Variants in SETBP1 observed in about 807,000 individuals in gnomAD.
SETBP1 encodes the protein SET-binding protein.
In SETBP1, 9 loss-of-function variants were observed where a neutral mutation model predicts 101.0. The observed-to-expected ratio is 0.09, with a 90% CI of 0.05 to 0.16. SETBP1 has a LOEUF of 0.16. Ranked by LOEUF, SETBP1 falls within the 10% of genes least tolerant of loss-of-function variation. SETBP1 has a pLI of 1.00. For synonymous variants in SETBP1, 818 were observed against 788.5 expected (o/e 1.04, Z -0.63); for missense variants, 1,858 against 2,033.8 (o/e 0.91, Z 1.66).
In SETBP1 at chr18:44,950,772, G is replaced by T. The variant is rs750647001; in HGVS notation, c.1432G>T (p.Val478Phe). The T allele has an allele frequency of 1.9e-6, 3 of 1,614,018 alleles. No individual in the cohort carries two copies. The African/African-American group carries it at 4.0e-5, about 22-fold the overall frequency. Reference sequence around the variant, plus strand: ...AATGATAGAGAATGAGTCCCCCTCAGTTGGCCTTGAAACTGGTGGAAATGC... The same window carrying T: ...AATGATAGAGAATGAGTCCCCCTCATTTGGCCTTGAAACTGGTGGAAATGC... ...SKMIENESPSVGLETGGNAEK... is the reference protein window; with the variant it reads ...SKMIENESPSFGLETGGNAEK... The change falls in exon 4 of 6, where the codon GTT becomes TTT. Residue 478 changes from valine (V) to phenylalanine (F), a missense_variant. Val to Phe is a conservative substitution (Grantham distance 50, BLOSUM62 -1). Transcript: ENST00000649279.
rs2071398938 is a variant in SETBP1, at chr18:44,953,004, T to G, written c.3664T>G (p.Ser1222Ala). ...GCACAGCGAAGCCGGCCACAAAGCTTCTAAGAACAACTTTGAGGTGGACAC... is the reference window on the plus strand; with the variant it reads ...GCACAGCGAAGCCGGCCACAAAGCTGCTAAGAACAACTTTGAGGTGGACAC... ...HQHSEAGHKASKNNFEVDTLS... is the reference protein window; with the variant it reads ...HQHSEAGHKAAKNNFEVDTLS... Residue 1222 changes from serine to alanine, a missense_variant, in exon 4 of 6, where the codon TCT (serine) becomes GCT (alanine). This residue lies in a region of SETBP1 where 417 missense variants were observed against 389.1 expected (regional missense o/e 1.07). Coordinates refer to ENST00000649279, the MANE Select transcript of SETBP1 (RefSeq NM_015559.3). The G allele has an allele frequency of 1.9e-6, 3 of 1,613,930 alleles. No homozygotes were observed. The South Asian group carries it at 3.3e-5, about 18-fold the overall frequency.
chr18:44,925,103 AT>A (rs759704941), intron 3 of SETBP1, among the ~76,000 whole-genome samples: 615 of 85,952 alleles, frequency 7.2e-3, no homozygotes, highest in Admixed American at 7.1e-3. Context: ...TTCTGCCTGG[AT>A]TTTTTTTTTT....
intron 3 of SETBP1, among the ~76,000 whole-genome samples, chr18:44,907,254 G>C (rs2070196495): frequency 6.6e-6 from 1 of 152,114 alleles, no homozygotes; most frequent in Non-Finnish European, 1.5e-5. Flanking sequence ...CCATTCAATA[G>C]CTGATAGACA....
chr18:44,872,484 CT>C (rs2069299549), intron 3 of SETBP1, among the ~76,000 whole-genome samples: 2 of 152,142 alleles, frequency 1.3e-5, no homozygotes, highest in Admixed American at 1.3e-4. Context: ...AATCCAGCAG[CT>C]AGCCATGCTT....
At chr18:45,034,886 C>G (rs2073365483) in intron 4 of SETBP1, among the ~76,000 whole-genome samples, 1 of 152,152 alleles carries the variant, frequency 6.6e-6, no homozygotes, top group Non-Finnish European at 1.5e-5. Flanking sequence ...TCTCAATGGT[C>G]CAGTCCGTAC....
intron 3 of SETBP1, among the ~76,000 whole-genome samples, chr18:44,873,634 C>T (rs554315593): frequency 2.6e-5 from 4 of 152,192 alleles, no homozygotes; most frequent in South Asian, 2.1e-4. Context: ...TGCTTAGGTA[C>T]ATCTGGAGGC....
intron 3 of SETBP1, among the ~76,000 whole-genome samples, chr18:44,886,810 C>CTGT (rs2069660485): frequency 6.7e-6 from 1 of 150,118 alleles, no homozygotes; most frequent in Admixed American, 6.7e-5. Flanking sequence ...AGGAAGCCAA[C>CTGT]TGTTTCATTT....
chr18:44,919,754 A>G (rs2070534973), intron 3 of SETBP1, among the ~76,000 whole-genome samples: 1 of 151,322 alleles, frequency 6.6e-6, no homozygotes, highest in South Asian at 2.1e-4. Context: ...ATGTATACAT[A>G]TGTGTATTGT....
intron 2 of SETBP1, among the ~76,000 whole-genome samples, chr18:44,713,323 G>C (rs2144284052): frequency 6.6e-6 from 1 of 152,132 alleles, no homozygotes; most frequent in South Asian, 2.1e-4. Context: ...TTTGACTGCT[G>C]CTCAAAGGCC....
rs372096992 is a variant in SETBP1, at chr18:44,950,460, G to A, written c.1120G>A (p.Ala374Thr). ...NTEGKREGYS[A>T]DSAQEASPAR... is the part of the protein sequence containing the mutation. The stretch of plus-strand genomic sequence containing the variant: ...AGAAGGGAAAAGGGAAGGTTATTCC[G>A]CAGATAGTGCCCAAGAGGCATCACC... The change falls in exon 4 of 6, where the codon GCA becomes ACA. Residue 374 changes from alanine (A) to threonine (T), a missense_variant. Physicochemically the swap from Ala to Thr is moderately conservative, Grantham distance 58 (BLOSUM62 0). This residue lies in a region of SETBP1 where 581 missense variants were observed against 535.1 expected (regional missense o/e 1.09). Transcript: ENST00000649279. The A allele has an allele frequency of 2.7e-5, 44 of 1,614,004 alleles. No individual in the cohort carries two copies. Among genetic ancestry groups the A allele is most frequent in the Middle Eastern group, 1.6e-4 (1 of 6,084 alleles).
chr18:44,809,941 A>G (rs1400471177), intron 2 of SETBP1, among the ~76,000 whole-genome samples: 2 of 152,224 alleles, frequency 1.3e-5, no homozygotes, highest in African/African-American at 2.4e-5. Context: ...TGAGACCACC[A>G]CGTTCTCCAG....
intron 2 of SETBP1, among the ~76,000 whole-genome samples, chr18:44,777,949 T>C (rs2071039161): frequency 6.6e-6 from 1 of 152,188 alleles, no homozygotes; most frequent in African/African-American, 2.4e-5. Context: ...AACCCGACTG[T>C]TCTATTTACA....
chr18:44,987,367 G>C (rs2072263968), intron 4 of SETBP1: 1 of 152,222 alleles, frequency 6.6e-6, no homozygotes. Context: ...CATGAAGTCA[G>C]TGGTACGCAA....
intron 4 of SETBP1, among the ~76,000 whole-genome samples, chr18:44,993,382 T>C (rs2072421878): frequency 6.6e-6 from 1 of 152,048 alleles, no homozygotes; most frequent in African/African-American, 2.4e-5. Flanking sequence ...TATTTTCTTA[T>C]GATATGACTA....
At chr18:45,012,905 A>G (rs1422600068) in intron 4 of SETBP1, among the ~76,000 whole-genome samples, 1 of 152,216 alleles carries the variant, frequency 6.6e-6, no homozygotes, top group African/African-American at 2.4e-5. Context: ...AATTACCACT[A>G]AAAGCCCAGA....
At chr18:44,918,084 G>C (rs935027182) in intron 3 of SETBP1, among the ~76,000 whole-genome samples, 1 of 152,118 alleles carries the variant, frequency 6.6e-6, no homozygotes, top group Non-Finnish European at 1.5e-5. Context: ...AATCCTTCCC[G>C]GTGCTGCCGA....
At chr18:44,797,146 A>G (rs546606449) in intron 2 of SETBP1, among the ~76,000 whole-genome samples, 1 of 152,350 alleles carries the variant, frequency 6.6e-6, no homozygotes, top group African/African-American at 2.4e-5. Flanking sequence ...TTGTGGCCTC[A>G]ATGTAAAGAG....
intron 2 of SETBP1, among the ~76,000 whole-genome samples, chr18:44,853,559 T>G (rs1436499949): frequency 6.6e-6 from 1 of 152,238 alleles, no homozygotes; most frequent in East Asian, 1.9e-4. Flanking sequence ...GAGATTCAGC[T>G]TCTAAGAAGA....
At chr18:44,970,940 A>T (rs190826557) in intron 4 of SETBP1, among the ~76,000 whole-genome samples, 1 of 151,918 alleles carries the variant, frequency 6.6e-6, no homozygotes, top group South Asian at 2.1e-4. Context: ...ATATGTATAC[A>T]TGTGCCATGT....
Sources: gnomAD v4.1 joint callset for allele counts (sites outside exome capture counted in the v4.1 genomes callset) on GRCh38, gnomAD v4.1.1 for gene constraint, gnomAD v4.1.1 regional missense constraint, MANE v1.5 for transcripts, NCBI Gene and HGNC (gene_info 2026-07-23, HGNC 2026-07-21) for gene names.